The following GALNT17 variants were observed in gnomAD, a reference collection of about 807,000 sequenced individuals.
GALNT17 encodes UDP-GalNAc:polypeptide N-acetylgalactosaminyltransferase-like 3.
GALNT17 carries 29 observed loss-of-function variants against 63.7 expected under a neutral mutation model. That is an observed-to-expected ratio of 0.46 (90% CI 0.34 to 0.62). The LOEUF is 0.62. GALNT17 is among the 20% of genes least tolerant of loss of function. The probability of loss-of-function intolerance (pLI) is 0.01; values close to 1 mark genes in which losing one functional copy is unlikely to be tolerated. For synonymous variants in GALNT17, 305 were observed against 318.3 expected, an observed-to-expected ratio of 0.96 and a Z score of 0.45; for missense variants, 603 against 799.6, an observed-to-expected ratio of 0.75 and a Z score of 2.97.
intron 6 of GALNT17, among the ~76,000 whole-genome samples, chr7:71,619,635 T>C (rs1286679957): frequency 6.6e-6 from 1 of 152,240 alleles, no homozygotes. Context: ...TTTTTGTACA[T>C]TGATTTTGTA....
chr7:71,260,455 G>C (rs187465405), intron 1 of GALNT17, among the ~76,000 whole-genome samples: 98 of 152,276 alleles, frequency 6.4e-4, no homozygotes, highest in Middle Eastern at 3.4e-3. Context: ...TTTGCCAAGG[G>C]AAATGGGGAA....
At position 71,632,976 on chromosome 7, in the gene GALNT17, C is replaced by T. The variant is rs180970555; in HGVS notation, c.1081-32435C>T. Among the ~76,000 whole-genome samples the T allele has an allele frequency of 2.2e-4, 34 of 151,694 alleles. No homozygotes were observed. The South Asian group carries it at 5.9e-3, about 26-fold the overall frequency. On this transcript the variant is annotated intron_variant, in intron 6 of 10. Transcript: ENST00000333538. ...AAAACTAGCTGGGCATGGTGGCACA[C>T]GCCTGTAATCCCAGCTACTTGGGAA...
chr7:71,482,257 C>T (rs1454081634), intron 5 of GALNT17, among the ~76,000 whole-genome samples: 1 of 151,816 alleles, frequency 6.6e-6, no homozygotes, highest in East Asian at 2.0e-4. Context: ...TCAAGTGATT[C>T]TCCTGCCTCA....
intron 5 of GALNT17, among the ~76,000 whole-genome samples, chr7:71,547,913 G>A (rs1789012841): frequency 6.6e-6 from 1 of 151,922 alleles, no homozygotes; most frequent in African/African-American, 2.4e-5. Context: ...ATTTAGTTGA[G>A]AGCCATGTGA....
chr7:71,348,368 A>G (rs2116164466), intron 2 of GALNT17, among the ~76,000 whole-genome samples: 1 of 152,302 alleles, frequency 6.6e-6, no homozygotes, highest in South Asian at 2.1e-4. Context: ...TGGCAATGTT[A>G]ATTAGATCTT....
At position 71,712,070 on chromosome 7, in the gene GALNT17, G is replaced by A. The variant is rs746500500; in HGVS notation, c.1721G>A (p.Arg574Gln). 7.4e-6 allele frequency: 12 copies of A among 1,613,820 alleles called. No homozygotes were observed. Among genetic ancestry groups the A allele is most frequent in the Admixed American group, 3.3e-5 (2 of 59,970 alleles). Residue 574 changes from arginine to glutamine, a missense_variant, in exon 11 of 11, where the codon CGG (arginine) becomes CAG (glutamine). Arg to Gln is a conservative substitution (Grantham distance 43, BLOSUM62 1). Transcript: ENST00000333538. ...GTGRCLEVEN[R>Q]GLAGIDLILR... is the part of the protein sequence containing the mutation. ...GGACGCTGCCTGGAGGTGGAGAACC[G>A]GGGCCTGGCTGGCATCGACCTCATC... is the stretch of plus-strand genomic sequence containing the variant.
intron 1 of GALNT17, among the ~76,000 whole-genome samples, chr7:71,143,882 A>T (rs1299553195): frequency 6.6e-6 from 1 of 151,870 alleles, no homozygotes; most frequent in African/African-American, 2.4e-5. Flanking sequence ...TCTATTTAAA[A>T]AAAAAAAAAG....
At chr7:71,411,034 G>C (rs530074090) in intron 3 of GALNT17, among the ~76,000 whole-genome samples, 23 of 152,306 alleles carry the variant, frequency 1.5e-4, no homozygotes, top group African/African-American at 5.3e-4. Context: ...AAAAAAGAAA[G>C]TAAGATGTTT....
chr7:71,214,953 A>G (rs1035420690), intron 1 of GALNT17, among the ~76,000 whole-genome samples: 2 of 152,188 alleles, frequency 1.3e-5, no homozygotes, highest in Admixed American at 1.3e-4. Flanking sequence ...GCTCCCCTGC[A>G]TTCATTGAAT....
chr7:71,137,529 T>TGTTGGGA (rs1384135835), intron 1 of GALNT17, among the ~76,000 whole-genome samples: 1 of 152,122 alleles, frequency 6.6e-6, no homozygotes, highest in Non-Finnish European at 1.5e-5. Context: ...TTGATCAAGT[T>TGTTGGGA]GTTGGGAGCT....
intron 1 of GALNT17, among the ~76,000 whole-genome samples, chr7:71,199,494 C>G (rs1308987842): frequency 6.6e-6 from 1 of 151,984 alleles, no homozygotes; most frequent in Non-Finnish European, 1.5e-5. Flanking sequence ...TCCATCCACA[C>G]ACACATCCAT....
At chr7:71,380,175 G>A (rs537636905) in intron 2 of GALNT17, among the ~76,000 whole-genome samples, 64 of 152,194 alleles carry the variant, frequency 4.2e-4, no homozygotes, top group African/African-American at 1.5e-3. Context: ...TTTAACAAGA[G>A]CAGTTTCAGC....
intron 2 of GALNT17, among the ~76,000 whole-genome samples, chr7:71,386,716 T>G (rs942788962): frequency 6.6e-6 from 1 of 152,174 alleles, no homozygotes; most frequent in African/African-American, 2.4e-5. Context: ...CTGGGTATTC[T>G]GAGGGAGGGA....
chr7:71,566,456 A>C (rs1036093871), intron 5 of GALNT17, among the ~76,000 whole-genome samples: 1 of 152,070 alleles, frequency 6.6e-6, no homozygotes, highest in African/African-American at 2.4e-5. Flanking sequence ...TTTGTAACTT[A>C]TCAGAATTGC....
chr7:71,452,326 A>G (rs1787277077), intron 5 of GALNT17, among the ~76,000 whole-genome samples: 1 of 152,014 alleles, frequency 6.6e-6, no homozygotes, highest in Non-Finnish European at 1.5e-5. Context: ...TGGGAGGATC[A>G]CTTGAGGTCA....
chr7:71,415,416 T>C (rs1793506407), intron 3 of GALNT17, among the ~76,000 whole-genome samples: 2 of 152,196 alleles, frequency 1.3e-5, no homozygotes, highest in South Asian at 2.1e-4. Context: ...GGGTATTCAA[T>C]CCCTGGTAGC....
chr7:71,472,415 G>A (rs767883603), intron 5 of GALNT17, among the ~76,000 whole-genome samples: 7 of 152,284 alleles, frequency 4.6e-5, no homozygotes, highest in Non-Finnish European at 1.0e-4. Context: ...AGGGCTGGGC[G>A]CGGTGGCTCA....
At chr7:71,170,481 A>G (rs1788527552) in intron 1 of GALNT17, among the ~76,000 whole-genome samples, 1 of 151,680 alleles carries the variant, frequency 6.6e-6, no homozygotes, top group Non-Finnish European at 1.5e-5. Flanking sequence ...GATTACAGGC[A>G]CATGCGATCA....
chr7:71,163,576 T>C (rs1788386190), intron 1 of GALNT17, among the ~76,000 whole-genome samples: 1 of 152,216 alleles, frequency 6.6e-6, no homozygotes, highest in African/African-American at 2.4e-5. Context: ...GGAAAGAGCT[T>C]GTCTTGGAAC....
Sources: allele counts gnomAD v4.1 joint callset (sites outside exome capture counted in the v4.1 genomes callset), GRCh38; gene constraint gnomAD v4.1.1; transcripts MANE v1.5; gene names NCBI Gene and HGNC (gene_info 2026-07-23, HGNC 2026-07-21).